The following PIP5K1C variants were observed in gnomAD, a reference collection of about 807,000 sequenced individuals.
The protein encoded by PIP5K1C is phosphatidylinositol 4-phosphate 5-kinase type-1 gamma.
A neutral mutation model predicts 80.1 loss-of-function variants in PIP5K1C; 45 were observed. The ratio of observed to expected loss-of-function variants is 0.56; its 90% confidence interval spans 0.44 to 0.72. The LOEUF (loss-of-function observed/expected upper bound fraction) is 0.72, where lower values mean the gene tolerates loss of function less well. PIP5K1C is among the 30% of genes least tolerant of loss of function. The pLI is 0.00. For synonymous variants in PIP5K1C, 498 were observed against 420.1 expected (o/e 1.19, Z -2.27); for missense variants, 753 against 954.6 (o/e 0.79, Z 2.78).
chr19:3,680,357 T>G (rs2035551723), intron 1 of PIP5K1C, among the ~76,000 whole-genome samples: 1 of 152,102 alleles, frequency 6.6e-6, no homozygotes, highest in African/African-American at 2.4e-5. Context: ...CAGGCTGGAG[T>G]GCAACGGCAC....
chr19:3,675,652 C>T (rs965141146), intron 1 of PIP5K1C, among the ~76,000 whole-genome samples: 3 of 152,216 alleles, frequency 2.0e-5, no homozygotes, highest in Non-Finnish European at 2.9e-5. Context: ...GGCCTCTTCT[C>T]TCTTGATATG....
At position 3,657,825 on chromosome 19, in the gene PIP5K1C, C is replaced by T. The variant is rs527677195; in HGVS notation, c.469-1268G>A. Among the ~76,000 whole-genome samples, 18 of 151,964 alleles carry T rather than the reference C, an allele frequency of 1.2e-4. No homozygotes were observed. The South Asian group carries it at 3.7e-3, about 32-fold the overall frequency. ...TGATGCCCATCTGTGGTCCCAGCTA[C>T]TTGGGAGGCTGAGGTGGGAGGATCA... On this transcript the variant is annotated intron_variant, in intron 5 of 17. Coordinates refer to ENST00000335312, the MANE Select transcript of PIP5K1C (RefSeq NM_012398.3).
rs989463072 is a variant in PIP5K1C, at chr19:3,637,373, C to T, written c.1920+1511G>A. ...GACGCATGCAGCCCAGCGCCTGGTC[C>T]GGGGCCAGCGTGGCTGACCTCAATT... is the stretch of plus-strand genomic sequence containing the variant. On this transcript the variant is annotated intron_variant, in intron 16 of 17. Transcript: ENST00000335312. This position sits in a 1 kb window ranked among gnomAD's most constrained non-coding sequence, Gnocchi z 7.0. The T allele has an allele frequency of 7.2e-6, 11 of 1,535,252 alleles. No homozygotes were observed. Among genetic ancestry groups the T allele is most frequent in the South Asian group, 2.4e-5 (2 of 84,062 alleles).
In PIP5K1C at chr19:3,634,744, G is replaced by A. The variant is rs1440364971; in HGVS notation, c.1921-1224C>T. 2.0e-5 allele frequency among the ~76,000 whole-genome samples: 3 copies of A among 152,192 alleles called. No homozygotes were observed. In the East Asian group the frequency reaches 5.8e-4, roughly 29 times the overall value. ...AGGAGCACTGCCTCTCCCTGCCTCG[G>A]GCTCTGCCTCCATGCTCCCTCTAAA... On this transcript the variant is annotated intron_variant, in intron 16 of 17. Coordinates refer to ENST00000335312, the MANE Select transcript of PIP5K1C (RefSeq NM_012398.3).
At chr19:3,652,061 C>T (rs2034471662) in intron 7 of PIP5K1C, 30 bp from the exon 8 acceptor site, 5 of 1,604,836 alleles carry the variant, frequency 3.1e-6, no homozygotes, top group Non-Finnish European at 4.3e-6. Flanking sequence ...ACACGCCACG[C>T]CGTCAGCCGT....
intron 5 of PIP5K1C, among the ~76,000 whole-genome samples, chr19:3,659,727 G>A (rs567093549): frequency 6.6e-6 from 1 of 150,672 alleles, no homozygotes; most frequent in East Asian, 1.9e-4. Context: ...GGCGGGGGAG[G>A]GGGGGGTGTC....
intron 1 of PIP5K1C, among the ~76,000 whole-genome samples, chr19:3,671,209 C>T (rs146573884): frequency 6.6e-6 from 1 of 152,212 alleles, no homozygotes; most frequent in African/African-American, 2.4e-5. Flanking sequence ...CTCTGGGGCC[C>T]CCCCACACCC....
At chr19:3,651,162 C>G (rs551090637) in intron 8 of PIP5K1C, among the ~76,000 whole-genome samples, 3 of 151,724 alleles carry the variant, frequency 2.0e-5, no homozygotes, top group Admixed American at 1.3e-4. Flanking sequence ...TCACGCCTGC[C>G]ACGCCTTCAG....
At chr19:3,687,626 C>A (rs1242552213) in intron 1 of PIP5K1C, among the ~76,000 whole-genome samples, 1 of 152,182 alleles carries the variant, frequency 6.6e-6, no homozygotes, top group African/African-American at 2.4e-5. Context: ...CGCACAGGCC[C>A]TCAGAGGACA....
chr19:3,664,241 G>C (rs1411582948), intron 3 of PIP5K1C, among the ~76,000 whole-genome samples: 1 of 152,232 alleles, frequency 6.6e-6, no homozygotes, highest in Non-Finnish European at 1.5e-5. Context: ...TGCTAACAGG[G>C]ACAGAGTTGC....
chr19:3,651,482 C>T lies in PIP5K1C; in HGVS notation c.1127+344G>A, dbSNP rs571033500. ...CATGCGCCTTCCACACCTTTGTGGC[C>T]CCTCTCTGCACGGGTGGCGTGTAGA... is the stretch of plus-strand genomic sequence containing the variant. On this transcript the variant is annotated intron_variant, in intron 8 of 17. Transcript: ENST00000335312. 1.4e-3 allele frequency among the ~76,000 whole-genome samples: 210 copies of T among 152,346 alleles called. 2 individuals are homozygous for T. The highest frequency in any genetic ancestry group is 4.8e-3 in the African/African-American group (198 of 41,584).
chr19:3,688,406 T>A lies in PIP5K1C; in HGVS notation c.94+11891A>T, dbSNP rs1311540717. Among the ~76,000 whole-genome samples the A allele has an allele frequency of 6.6e-6, 1 of 152,042 alleles. No individual in the cohort carries two copies. Among genetic ancestry groups the A allele is most frequent in the East Asian group, 1.9e-4 (1 of 5,172 alleles). On this transcript the variant is annotated intron_variant, in intron 1 of 17. Coordinates refer to ENST00000335312, the MANE Select transcript of PIP5K1C (RefSeq NM_012398.3). The surrounding 1 kb of genome is among the most constrained non-coding windows in gnomAD (Gnocchi z 5.3). ...GGGGGGACGGCCTCTGGCCCCCTGC[T>A]GTGGGCGGGGAGGGATCTAGAAGAC... is the stretch of plus-strand genomic sequence containing the variant.
chr19:3,646,192 C>T (rs993217654), intron 10 of PIP5K1C, 134 bp from the exon 11 acceptor site: 5 of 665,104 alleles, frequency 7.5e-6, no homozygotes, highest in South Asian at 3.3e-5. Context: ...GTCCATGGCG[C>T]CATGGCTTCC....
At chr19:3,679,009 T>C (rs1254026463) in intron 1 of PIP5K1C, among the ~76,000 whole-genome samples, 3 of 151,234 alleles carry the variant, frequency 2.0e-5, no homozygotes, top group Non-Finnish European at 3.0e-5. Context: ...GATGGTGGGA[T>C]GGAGGGATGG....
chr19:3,639,311 C>T (rs905075869), intron 15 of PIP5K1C, among the ~76,000 whole-genome samples: 2 of 152,198 alleles, frequency 1.3e-5, no homozygotes, highest in African/African-American at 4.8e-5. Context: ...CACGTGCTGG[C>T]CTCACCCTCA....
chr19:3,638,077 G>C, intron 16 of PIP5K1C: 10 of 1,438,774 alleles, frequency 7.0e-6, no homozygotes, highest in Admixed American at 2.7e-5. Flanking sequence ...CTAAGGCCTG[G>C]TGCCCGTGCC....
intron 16 of PIP5K1C, chr19:3,636,590 C>A: frequency 1.0e-6 from 1 of 985,620 alleles, no homozygotes; most frequent in Non-Finnish European, 1.2e-6. Flanking sequence ...CTGGGCAGCT[C>A]CTGGACGATC....
chr19:3,675,644 C>A (rs532137358), intron 1 of PIP5K1C, among the ~76,000 whole-genome samples: 98 of 152,270 alleles, frequency 6.4e-4, no homozygotes, highest in African/African-American at 2.4e-3. Flanking sequence ...CTGCCTCAGG[C>A]CTCTTCTCTC....
In PIP5K1C at chr19:3,647,386, C is replaced by A; in HGVS notation, c.1212G>T (p.Arg404Ser). The A allele has an allele frequency of 3.2e-6, 5 of 1,582,624 alleles. No individual in the cohort carries two copies. Among genetic ancestry groups the A allele is most frequent in the Non-Finnish European group, 4.3e-6 (5 of 1,163,326 alleles). The change falls in exon 10 of 18, where the codon AGG (arginine) becomes AGT (serine). Residue 404 changes from arginine (R) to serine (S), a missense_variant and splice_region_variant. Physicochemically the swap from Arg to Ser is moderately radical, Grantham distance 110. Around this residue, in one of 6 missense-constraint regions of PIP5K1C, gnomAD observed 114 missense variants for 152.4 expected, o/e 0.75. Transcript: ENST00000335312. ...IGIIDILQSYRFIKKLEHTWK... is the reference protein window; with the variant it reads ...IGIIDILQSYSFIKKLEHTWK... ...AGGTGTGCTCCAGTTTCTTGATGAA[C>A]CTGTGGAGAGAGCACCCGGAGTGGC...
Sources: allele counts gnomAD v4.1 joint callset (sites outside exome capture counted in the v4.1 genomes callset), GRCh38; gene constraint gnomAD v4.1.1; regional missense constraint gnomAD v4.1.1; non-coding constraint Gnocchi (gnomAD v3.1); transcripts MANE v1.5; gene names NCBI Gene and HGNC (gene_info 2026-07-23, HGNC 2026-07-21).